The following TASP1 variants were observed in gnomAD, a reference collection of about 807,000 sequenced individuals.
The protein encoded by TASP1 is threonine aspartase 1.
Under a neutral mutation model 56.6 loss-of-function variants are expected in TASP1, and 16 were observed. The ratio of observed to expected loss-of-function variants is 0.28; its 90% confidence interval spans 0.19 to 0.43. The LOEUF (loss-of-function observed/expected upper bound fraction) is 0.43, where lower values mean the gene tolerates loss of function less well. Ranked by LOEUF, TASP1 falls within the 20% of genes least tolerant of loss-of-function variation. The probability of loss-of-function intolerance (pLI) is 1.00; values close to 1 mark genes in which losing one functional copy is unlikely to be tolerated. For synonymous variants in TASP1, 179 were observed against 184.2 expected, an observed-to-expected ratio of 0.97 and a Z score of 0.23; for missense variants, 393 against 511.6, an observed-to-expected ratio of 0.77 and a Z score of 2.24.
the TASP1 span, among the ~76,000 whole-genome samples, chr20:13,280,394 C>A: frequency 9.5e-5 from 10 of 105,338 alleles, no homozygotes; most frequent in African/African-American, 2.8e-4. Flanking sequence ...CAAAGTAACC[C>A]CCCCCCCCCA....
At chr20:13,159,215 G>T in the TASP1 span, among the ~76,000 whole-genome samples, 1 of 152,188 alleles carries the variant, frequency 6.6e-6, no homozygotes, top group East Asian at 1.9e-4. Context: ...GCTTATGAAG[G>T]TTTTACTCTG....
the TASP1 span, among the ~76,000 whole-genome samples, chr20:13,271,986 T>C: frequency 0.16 from 23,848 of 152,066 alleles, 1,962 homozygotes; most frequent in East Asian, 0.21. Flanking sequence ...GCCATATCGC[T>C]CAGGCTGGGC....
rs564722772 is a variant in TASP1 at position 13,391,539 on chromosome 20, G to A, written c.1171-1087C>T. On this transcript the variant is annotated intron_variant, in intron 13 of 13. Transcript: ENST00000337743. ...AGTCTCATCAGAAGACAAGAACCTT[G>A]GTCTGAAAAAGTGTGAGCCAAGATG... 8.5e-5 allele frequency among the ~76,000 whole-genome samples: 13 copies of A among 152,246 alleles called. No homozygotes were observed. In the East Asian group the frequency reaches 2.5e-3, roughly 29 times the overall value.
chr20:13,169,265 G>A, the TASP1 span, among the ~76,000 whole-genome samples: 101 of 152,180 alleles, frequency 6.6e-4, no homozygotes, highest in African/African-American at 2.4e-3. Context: ...TCCTCATTCA[G>A]TGACATCAGA....
chr20:13,170,301 A>G, the TASP1 span, among the ~76,000 whole-genome samples: 2 of 152,192 alleles, frequency 1.3e-5, no homozygotes, highest in Non-Finnish European at 2.9e-5. Flanking sequence ...TTCCTTATCA[A>G]ATCAATTTTC....
At chr20:13,541,197 GA>G (rs1439762858) in intron 8 of TASP1, among the ~76,000 whole-genome samples, 5 of 152,038 alleles carry the variant, frequency 3.3e-5, no homozygotes, top group Non-Finnish European at 5.9e-5. Flanking sequence ...GGAAGCCAGA[GA>G]AAAAGGGAAA....
chr20:13,328,811 G>C, the TASP1 span, among the ~76,000 whole-genome samples: 2 of 130,556 alleles, frequency 1.5e-5, no homozygotes, highest in Admixed American at 8.2e-5. Context: ...GTAGGAGGGT[G>C]GGGGGAGGGA....
At chr20:13,163,385 A>C in the TASP1 span, among the ~76,000 whole-genome samples, 4 of 151,640 alleles carry the variant, frequency 2.6e-5, no homozygotes, top group African/African-American at 9.7e-5. Context: ...AAAAAAAAAA[A>C]AAAAATAGAA....
At chr20:13,291,533 T>C in the TASP1 span, among the ~76,000 whole-genome samples, 4 of 152,190 alleles carry the variant, frequency 2.6e-5, no homozygotes, top group Non-Finnish European at 4.4e-5. Context: ...CCAGCAAATG[T>C]TACCACAGTG....
the TASP1 span, among the ~76,000 whole-genome samples, chr20:13,262,485 T>G: frequency 6.6e-6 from 1 of 151,082 alleles, no homozygotes; most frequent in Non-Finnish European, 1.5e-5. Flanking sequence ...TTGGCCTAAC[T>G]CACTTTCCAC....
intron 4 of TASP1, among the ~76,000 whole-genome samples, chr20:13,590,341 C>A (rs1232155536): frequency 6.6e-6 from 1 of 152,150 alleles, no homozygotes; most frequent in Non-Finnish European, 1.5e-5. Flanking sequence ...TATAATCATA[C>A]AGATAACAAC....
chr20:13,113,470 T>G, the TASP1 span, among the ~76,000 whole-genome samples: 4 of 152,096 alleles, frequency 2.6e-5, no homozygotes, highest in African/African-American at 7.2e-5. Flanking sequence ...ATCAGAAAGT[T>G]TCAGGGAGAT....
At chr20:13,204,880 C>T in the TASP1 span, among the ~76,000 whole-genome samples, 49 of 152,108 alleles carry the variant, frequency 3.2e-4, no homozygotes, top group Admixed American at 3.1e-3. Context: ...CAACAGACCA[C>T]GGTGGAAATT....
At chr20:13,245,502 G>C in the TASP1 span, 1 of 152,188 alleles carries the variant, frequency 6.6e-6, no homozygotes, top group African/African-American at 2.4e-5. Context: ...CTCAAAGGGA[G>C]GGGATTGCAC....
chr20:13,171,248 C>T, the TASP1 span, among the ~76,000 whole-genome samples: 403 of 152,066 alleles, frequency 2.7e-3, 7 homozygotes, highest in Admixed American at 1.6e-3. Flanking sequence ...TTTAAAAAAA[C>T]GTTATACATG....
chr20:13,192,059 T>A, the TASP1 span, among the ~76,000 whole-genome samples: 63 of 152,126 alleles, frequency 4.1e-4, no homozygotes, highest in Admixed American at 7.9e-4. Flanking sequence ...GTCTGAAGTG[T>A]TGAAAGAAAA....
the TASP1 span, among the ~76,000 whole-genome samples, chr20:13,265,314 T>C: frequency 6.6e-6 from 1 of 152,214 alleles, no homozygotes; most frequent in African/African-American, 2.4e-5. Context: ...CTTTCTTTCT[T>C]TTTAATACCA....
chr20:13,499,722 T>C (rs1164763463), intron 10 of TASP1, among the ~76,000 whole-genome samples: 1 of 151,446 alleles, frequency 6.6e-6, no homozygotes, highest in Admixed American at 6.6e-5. Flanking sequence ...TGAGAATTTC[T>C]CCTGTGAAAT....
chr20:13,142,565 C>T, the TASP1 span, among the ~76,000 whole-genome samples: 1 of 152,142 alleles, frequency 6.6e-6, no homozygotes, highest in African/African-American at 2.4e-5. Context: ...ATTGTATTTG[C>T]TTTCTATTTC....
Sources: gnomAD v4.1 joint callset for allele counts (sites outside exome capture counted in the v4.1 genomes callset) on GRCh38, gnomAD v4.1.1 for gene constraint, MANE v1.5 for transcripts, NCBI Gene and HGNC (gene_info 2026-07-23, HGNC 2026-07-21) for gene names.